The following DDC variants were observed in gnomAD, a reference collection of about 807,000 sequenced individuals.
DDC encodes the protein dopa decarboxylase.
Under a neutral mutation model 60.0 loss-of-function variants are expected in DDC, and 43 were observed. The observed-to-expected ratio is 0.72, with a 90% confidence interval of 0.56 to 0.92. DDC has a LOEUF of 0.92. Ranked by LOEUF, DDC falls within the 40% of genes least tolerant of loss-of-function variation. DDC has a pLI of 0.00. For missense variants in DDC, 573 were observed against 620.2 expected, an observed-to-expected ratio of 0.92 and a Z score of 0.81; for synonymous variants, 232 against 234.6, an observed-to-expected ratio of 0.99 and a Z score of 0.10.
At chr7:50,549,656 C>CA (rs58449351) in intron 1 of DDC, among the ~76,000 whole-genome samples, 15,622 of 94,822 alleles carry the variant, frequency 0.16, 917 homozygotes, top group African/African-American at 0.21. Context: ...GACTCTGTCT[C>CA]AAAAAAAAAA....
intron 9 of DDC, among the ~76,000 whole-genome samples, chr7:50,480,155 T>A (rs1433754365): frequency 6.6e-6 from 1 of 152,116 alleles, no homozygotes; most frequent in Non-Finnish European, 1.5e-5. Flanking sequence ...GCAGCTGGGG[T>A]CTCCTCGATG....
At chr7:50,505,644 G>T (rs1057132519) in intron 6 of DDC, among the ~76,000 whole-genome samples, 1 of 152,228 alleles carries the variant, frequency 6.6e-6, no homozygotes, top group Non-Finnish European at 1.5e-5. Context: ...CAGAAGGTTC[G>T]TCTCACCAGC....
intron 9 of DDC, among the ~76,000 whole-genome samples, chr7:50,482,772 T>G (rs550813292): frequency 6.6e-6 from 1 of 152,352 alleles, no homozygotes; most frequent in South Asian, 2.1e-4. Context: ...TTGTTCATAG[T>G]AAACATATCT....
At chr7:50,558,829 G>A (rs893828386) in intron 1 of DDC, among the ~76,000 whole-genome samples, 20 of 152,186 alleles carry the variant, frequency 1.3e-4, no homozygotes, top group African/African-American at 4.6e-4. Flanking sequence ...GATGGGGAAG[G>A]TGGTGCCTGC....
intron 4 of DDC, among the ~76,000 whole-genome samples, chr7:50,532,585 G>A (rs991003327): frequency 6.6e-6 from 1 of 152,144 alleles, no homozygotes; most frequent in Non-Finnish European, 1.5e-5. Flanking sequence ...CCATGAAAAA[G>A]ATTGTCCATA....
intron 9 of DDC, among the ~76,000 whole-genome samples, chr7:50,488,898 T>C (rs188721628): frequency 4.6e-5 from 7 of 152,358 alleles, no homozygotes; most frequent in Non-Finnish European, 8.8e-5. Context: ...TTCAACTTTT[T>C]ATCAGCTCCT....
chr7:50,530,755 T>A (rs1392457104), intron 4 of DDC, among the ~76,000 whole-genome samples: 1 of 152,186 alleles, frequency 6.6e-6, no homozygotes, highest in Admixed American at 6.5e-5. Flanking sequence ...CCGACCAGTA[T>A]GAAAGGACAT....
At chr7:50,540,722 G>A (rs1418145302) in intron 2 of DDC, among the ~76,000 whole-genome samples, 1 of 152,178 alleles carries the variant, frequency 6.6e-6, no homozygotes, top group Non-Finnish European at 1.5e-5. Context: ...CAGCCCATAA[G>A]GTGAACACCT....
chr7:50,549,334 G>C (rs1013699345), intron 1 of DDC, among the ~76,000 whole-genome samples: 3 of 152,174 alleles, frequency 2.0e-5, no homozygotes, highest in Non-Finnish European at 2.9e-5. Flanking sequence ...CTTTTGGAAA[G>C]AATTTACTAT....
intron 12 of DDC, 34 bp downstream of exon 12, chr7:50,470,039 A>G: frequency 7.0e-7 from 1 of 1,418,932 alleles, no homozygotes; most frequent in Non-Finnish European, 1.0e-6. Flanking sequence ...GACCTCCGCA[A>G]TTTTACCGTG....
chr7:50,556,640 T>C (rs933084063), intron 1 of DDC, among the ~76,000 whole-genome samples: 5 of 152,170 alleles, frequency 3.3e-5, no homozygotes, highest in African/African-American at 1.2e-4. Flanking sequence ...TCCACACCTG[T>C]GCAAATTCAG....
At chr7:50,520,133 G>A (rs1343016636) in intron 6 of DDC, among the ~76,000 whole-genome samples, 1 of 152,116 alleles carries the variant, frequency 6.6e-6, no homozygotes. Flanking sequence ...TCAGAAAATA[G>A]GTAAGGATAT....
intron 7 of DDC, 119 bp downstream of exon 7, chr7:50,503,874 G>A (rs911479466): frequency 3.5e-5 from 28 of 809,568 alleles, no homozygotes; most frequent in Non-Finnish European, 5.7e-5. Context: ...TACGAGAAGA[G>A]CTGGGCAAAC....
At chr7:50,524,838 G>T (rs1303668779) in intron 6 of DDC, among the ~76,000 whole-genome samples, 1 of 152,162 alleles carries the variant, frequency 6.6e-6, no homozygotes, top group Non-Finnish European at 1.5e-5. Context: ...TTATCCCAGA[G>T]AAATGAAAGT....
At chr7:50,508,674 A>G (rs935234933) in intron 6 of DDC, among the ~76,000 whole-genome samples, 4 of 152,198 alleles carry the variant, frequency 2.6e-5, no homozygotes, top group Non-Finnish European at 5.9e-5. Context: ...AGGGATCTAC[A>G]GCCCCTTTGA....
At chr7:50,507,591 A>T (rs2043437125) in intron 6 of DDC, among the ~76,000 whole-genome samples, 1 of 152,176 alleles carries the variant, frequency 6.6e-6, no homozygotes, top group African/African-American at 2.4e-5. Context: ...TTTTCTCTCT[A>T]TTAATGTGTG....
intron 4 of DDC, among the ~76,000 whole-genome samples, chr7:50,532,714 A>G (rs2044257708): frequency 6.6e-6 from 1 of 152,264 alleles, no homozygotes; most frequent in Non-Finnish European, 1.5e-5. Context: ...TCTTATTATA[A>G]TAGACACAGC....
chr7:50,498,173 T>C (rs757584064), intron 8 of DDC, among the ~76,000 whole-genome samples: 3 of 152,228 alleles, frequency 2.0e-5, no homozygotes, highest in African/African-American at 7.2e-5. Flanking sequence ...TGAAATCTAT[T>C]TTCTGGAGGA....
chr7:50,483,593 C>T (rs997923514), intron 9 of DDC, among the ~76,000 whole-genome samples: 2 of 152,076 alleles, frequency 1.3e-5, no homozygotes, highest in African/African-American at 4.8e-5. Flanking sequence ...GTTTAGGATA[C>T]TCATTATTTA....
Sources: gnomAD v4.1 joint callset for allele counts (sites outside exome capture counted in the v4.1 genomes callset) on GRCh38, gnomAD v4.1.1 for gene constraint, MANE v1.5 for transcripts, NCBI Gene and HGNC (gene_info 2026-07-23, HGNC 2026-07-21) for gene names.